The following QRICH1 variants were observed in gnomAD, a reference collection of about 807,000 sequenced individuals.
QRICH1 encodes the protein transcriptional regulator QRICH1.
A neutral mutation model predicts 87.1 loss-of-function variants in QRICH1; 16 were observed. The observed-to-expected ratio is 0.18, with a 90% CI of 0.12 to 0.28. The LOEUF is 0.28. QRICH1 is among the 10% of genes least tolerant of loss of function. QRICH1 has a pLI of 1.00. For missense variants in QRICH1, 647 were observed against 951.7 expected (o/e 0.68, Z 4.21); for synonymous variants, 367 against 368.4 (o/e 1.00, Z 0.05).
intron 2 of QRICH1, among the ~76,000 whole-genome samples, chr3:49,060,657 C>T (rs1325399472): frequency 6.6e-6 from 1 of 152,174 alleles, no homozygotes; most frequent in Admixed American, 6.5e-5. Context: ...GGCAGAAGTC[C>T]CCAACCCTGG....
At chr3:49,064,029 C>T (rs2093451382) in intron 2 of QRICH1, among the ~76,000 whole-genome samples, 1 of 151,888 alleles carries the variant, frequency 6.6e-6, no homozygotes, top group African/African-American at 2.4e-5. Context: ...GCCTCAGCCT[C>T]CTGAGTGGCT....
intron 4 of QRICH1, 140 bp downstream of exon 4, chr3:49,046,929 G>T: frequency 2.9e-6 from 3 of 1,036,516 alleles, no homozygotes; most frequent in Non-Finnish European, 4.2e-6. Context: ...TTGTTACTAG[G>T]CTTGAATTCA....
At chr3:49,038,539 C>T (rs1022917120) in intron 6 of QRICH1, among the ~76,000 whole-genome samples, 4 of 151,424 alleles carry the variant, frequency 2.6e-5, no homozygotes, top group African/African-American at 9.7e-5. Flanking sequence ...CTCAGCCTCC[C>T]GAGTAGCTGG....
intron 2 of QRICH1, among the ~76,000 whole-genome samples, chr3:49,061,865 T>C (rs2093437140): frequency 6.6e-6 from 1 of 151,814 alleles, no homozygotes. Flanking sequence ...AAAAAGAATA[T>C]ATGCAAATGG....
upstream of QRICH1, chr3:49,094,237 C>T (rs2042338434): frequency 2.6e-6 from 1 of 383,210 alleles, no homozygotes. Flanking sequence ...CTCGCTCCGC[C>T]CATGGACGCC....
In QRICH1 at chr3:49,093,902, G is replaced by A. The variant is rs908036168; in HGVS notation, c.-22+10C>T. 1.5e-5 allele frequency: 6 copies of A among 392,926 alleles called. No individual in the cohort carries two copies. Among genetic ancestry groups the A allele is most frequent in the African/African-American group, 6.3e-5 (3 of 47,900 alleles). The allele number at this position is 392,926 out of a possible 1,614,324, so 24.3% of individuals were successfully genotyped here. The stretch of plus-strand genomic sequence containing the variant: ...CTTCGCCGCATCCCCACCCGCACTG[G>A]AGCCCTCACCCGGCGACGTCACTGC... On this transcript the variant is annotated intron_variant, in intron 1 of 9. Transcript: ENST00000395443.
At chr3:49,032,869 C>A in intron 7 of QRICH1, 96 bp from the exon 8 acceptor site, 1 of 1,418,996 alleles carries the variant, frequency 7.0e-7, no homozygotes, top group Non-Finnish European at 9.5e-7. Context: ...AGCCACTGCC[C>A]ACATTCCCAA....
chr3:49,076,672 A>G (rs1488555761), intron 2 of QRICH1, 37 bp downstream of exon 2: 1 of 1,458,298 alleles, frequency 6.9e-7, no homozygotes, highest in Non-Finnish European at 9.1e-7. Context: ...CAAATAAAGT[A>G]CATTAAACAG....
intron 6 of QRICH1, among the ~76,000 whole-genome samples, chr3:49,034,082 A>ATTT (rs1180936570): frequency 6.9e-6 from 1 of 144,784 alleles, no homozygotes; most frequent in Non-Finnish European, 1.5e-5. Context: ...GGGGGATTTT[A>ATTT]TTATTATTAT....
chr3:49,062,986 C>T (rs904062405), intron 2 of QRICH1, among the ~76,000 whole-genome samples: 6 of 150,918 alleles, frequency 4.0e-5, no homozygotes, highest in African/African-American at 7.3e-5. Context: ...GGTGACAGAA[C>T]GAGACTCCGT....
chr3:49,050,295 C>CGTGT lies in QRICH1; in HGVS notation c.1339-3050_1339-3049insACAC, dbSNP rs2093363159. Among the ~76,000 whole-genome samples the CGTGT allele has an allele frequency of 2.9e-5, 4 of 136,956 alleles. No individual in the cohort carries two copies. In the South Asian group the frequency reaches 9.2e-4, roughly 31 times the overall value. 89.8% of individuals were successfully genotyped at this position (136,956 alleles called of 152,430 possible). The stretch of plus-strand genomic sequence containing the variant: ...AAAATTAGCCGGGTGTGGTAGCACA[C>CGTGT]GCCTGTAATCCCAGCTACTTGGGAG... On this transcript the variant is annotated intron_variant, in intron 3 of 9. Coordinates refer to ENST00000395443, the MANE Select transcript of QRICH1 (RefSeq NM_198880.3).
intron 1 of QRICH1, among the ~76,000 whole-genome samples, chr3:49,087,910 G>A (rs573286151): frequency 1.3e-5 from 2 of 149,048 alleles, no homozygotes; most frequent in African/African-American, 2.5e-5. Flanking sequence ...CCTTAAAATG[G>A]AAATTGATTT....
intron 2 of QRICH1, among the ~76,000 whole-genome samples, chr3:49,067,752 A>G (rs988935400): frequency 2.0e-5 from 3 of 152,102 alleles, no homozygotes; most frequent in African/African-American, 7.2e-5. Flanking sequence ...AGGCCAAGGC[A>G]GGCGGATCAC....
intron 6 of QRICH1, among the ~76,000 whole-genome samples, chr3:49,043,775 G>A (rs1182935964): frequency 6.6e-6 from 1 of 152,166 alleles, no homozygotes; most frequent in Non-Finnish European, 1.5e-5. Context: ...GGAGGCTGCA[G>A]TGAGCCAAGA....
At chr3:49,082,347 T>C (rs2072507365) in intron 1 of QRICH1, among the ~76,000 whole-genome samples, 1 of 152,342 alleles carries the variant, frequency 6.6e-6, no homozygotes, top group South Asian at 2.1e-4. Context: ...ATATTTTTTG[T>C]CAATCAAGGT....
rs755953747 is a variant in QRICH1 at position 49,032,164 on chromosome 3, A to C, written c.2138+19T>G. On this transcript the variant is annotated intron_variant, in intron 9 of 9. Transcript: ENST00000395443. Reference sequence around the variant, plus strand: ...CACACATGCGCACACATGGACAGCAAGTCACAATAAAGCCTCACCATTTGA... The same window carrying C: ...CACACATGCGCACACATGGACAGCACGTCACAATAAAGCCTCACCATTTGA... 2 of 1,577,424 alleles carry C rather than the reference A, an allele frequency of 1.3e-6. No homozygotes were observed. The highest frequency in any genetic ancestry group is 2.2e-5 in the South Asian group (2 of 90,302).
At position 49,030,196 on chromosome 3, in the gene QRICH1, T is replaced by C; in HGVS notation, c.*256A>G. On this transcript the variant is annotated 3_prime_UTR_variant, in exon 10 of 10. Coordinates refer to ENST00000395443, the MANE Select transcript of QRICH1 (RefSeq NM_198880.3). ...TCCCCAGGCCCCAGACAAAAAAGAG[T>C]CAGCCAGCAACTTTCTAGGACATAT... The C allele has an allele frequency of 2.0e-6, 1 of 502,844 alleles. No homozygotes were observed. The highest frequency in any genetic ancestry group is 3.1e-5 in the South Asian group (1 of 32,054). 31.1% of individuals were successfully genotyped at this position (502,844 alleles called of 1,614,324 possible).
At chr3:49,053,499 A>AC (rs903109098) in intron 3 of QRICH1, among the ~76,000 whole-genome samples, 4 of 151,338 alleles carry the variant, frequency 2.6e-5, no homozygotes, top group Non-Finnish European at 5.9e-5. Context: ...AAAAAAAAAA[A>AC]AAAAAACAAG....
chr3:49,061,178 A>G (rs929573842), intron 2 of QRICH1, among the ~76,000 whole-genome samples: 1 of 148,962 alleles, frequency 6.7e-6, no homozygotes, highest in Admixed American at 6.8e-5. Flanking sequence ...TCTAACACCT[A>G]ATGATGTGAG....
Sources: gnomAD v4.1 joint callset for allele counts (sites outside exome capture counted in the v4.1 genomes callset) on GRCh38, gnomAD v4.1.1 for gene constraint, MANE v1.5 for transcripts, NCBI Gene and HGNC (gene_info 2026-07-23, HGNC 2026-07-21) for gene names.